Variants in C1QTNF5 observed in about 807,000 individuals in gnomAD.
The protein encoded by C1QTNF5 is C1q and TNF related 5.
In C1QTNF5, 5 loss-of-function variants were observed where a neutral mutation model predicts 10.9. That is an observed-to-expected ratio of 0.46 (90% CI 0.24 to 0.97). C1QTNF5 has a LOEUF of 0.97. Among genes scored for constraint, C1QTNF5 ranks in the 50% least tolerant of loss-of-function variants. The probability of loss-of-function intolerance (pLI) is 0.19; values close to 1 mark genes in which losing one functional copy is unlikely to be tolerated. For missense variants in C1QTNF5, 281 were observed against 339.4 expected (o/e 0.83, Z 1.35); for synonymous variants, 161 against 156.5 (o/e 1.03, Z -0.22).
At position 119,339,343 on chromosome 11, in the gene C1QTNF5, T is replaced by TG; in HGVS notation, c.719dup (p.Val241SerfsTer10). On this transcript the variant is annotated frameshift_variant, in exon 3 of 3. Coordinates refer to ENST00000528368, the MANE Select transcript of C1QTNF5 (RefSeq NM_001278431.2). LOFTEE classifies it high-confidence loss of function. The surrounding 1 kb of genome is among the most constrained non-coding windows in gnomAD (Gnocchi z 5.4). ...TTTGCAGTGGGCACTAAGCAAAGAC[T>TG]GGGGAGCTGTGCCAGTCGGAGTACA... is the stretch of plus-strand genomic sequence containing the variant. The TG allele has an allele frequency of 6.2e-7, 1 of 1,612,802 alleles. No homozygotes were observed. The highest frequency in any genetic ancestry group is 8.5e-7 in the Non-Finnish European group (1 of 1,179,234).
rs907804992 is a variant in C1QTNF5, at chr11:119,340,224, C to A, written c.174G>T (p.Ala58=). The part of the protein sequence containing the change: ...GRDGRDGRDG[A]PGAPGEKGEG... ...CGCCTTTCTCTCCCGGAGCCCCGGG[C>A]GCGCCGTCGCGGCCGTCGCGGCCAT... Residue 58 remains alanine (A), a synonymous_variant, in exon 2 of 3, where the codon GCG becomes GCT. Transcript: ENST00000528368. 4.6e-6 allele frequency: 7 copies of A among 1,513,436 alleles called. No homozygotes were observed. Among genetic ancestry groups the A allele is most frequent in the Non-Finnish European group, 6.2e-6 (7 of 1,133,744 alleles). 93.8% of individuals were successfully genotyped at this position (1,513,436 alleles called of 1,614,324 possible).
In C1QTNF5 at chr11:119,340,326, G is replaced by A. The variant is rs1158222576; in HGVS notation, c.72C>T (p.Ile24=). The A allele has an allele frequency of 1.3e-6, 2 of 1,542,950 alleles. No homozygotes were observed. Among genetic ancestry groups the A allele is most frequent in the African/African-American group, 2.8e-5 (2 of 71,998 alleles). Residue 24 remains isoleucine (I), a synonymous_variant, in exon 2 of 3, where the codon ATC becomes ATT. Transcript: ENST00000528368. ...CGGGGTGCCCCGGGCAGAGGCTGGG[G>A]ATCTTGTTGTCGTCCAGTGGGGGCG... ...AGSPPLDDNK[I]PSLCPGHPGL...
upstream of C1QTNF5, chr11:119,345,276 A>G (rs1950549860): frequency 7.9e-6 from 7 of 882,644 alleles, no homozygotes; most frequent in Middle Eastern, 1.7e-3. Flanking sequence ...CACGGCACAC[A>G]GCAAGGTGGT....
chr11:119,339,717 G>A lies in C1QTNF5; in HGVS notation c.346C>T (p.Pro116Ser), dbSNP rs1950478391. The change falls in exon 3 of 3, where the codon CCT becomes TCT. Residue 116 changes from proline (P) to serine (S), a missense_variant. Physicochemically the swap from Pro to Ser is moderately conservative, Grantham distance 74. Coordinates refer to ENST00000528368, the MANE Select transcript of C1QTNF5 (RefSeq NM_001278431.2). This position sits in a 1 kb window ranked among gnomAD's most constrained non-coding sequence, Gnocchi z 5.4. ...FSAKRSESRV[P>S]PPSDAPLPFD... Reference sequence around the variant, plus strand: ...GGCAAGGGTGCGTCAGACGGCGGAGGCACCCGGCTCTCGGAGCGCTTGGCG... The same window carrying A: ...GGCAAGGGTGCGTCAGACGGCGGAGACACCCGGCTCTCGGAGCGCTTGGCG... 4 of 1,602,726 alleles carry A rather than the reference G, an allele frequency of 2.5e-6. No homozygotes were observed. The highest frequency in any genetic ancestry group is 1.3e-5 in the African/African-American group (1 of 74,914).
At chr11:119,340,034 C>T (rs866424760) in intron 2 of C1QTNF5, 150 bp downstream of exon 2, 49 of 1,247,176 alleles carry the variant, frequency 3.9e-5, no homozygotes, top group Non-Finnish European at 4.5e-5. Context: ...AGGGGGCTCC[C>T]GCCGCCTGGG....
At chr11:119,346,202 G>A in the C1QTNF5 span, 2 of 1,567,200 alleles carry the variant, frequency 1.3e-6, no homozygotes, top group Non-Finnish European at 1.7e-6. Flanking sequence ...CTTCTGTTGG[G>A]TATTCCTCAT....
Position 119,339,975 on chromosome 11 carries a change from G to C in C1QTNF5, c.215-127C>G. On this transcript the variant is annotated intron_variant, in intron 2 of 2. Coordinates refer to ENST00000528368, the MANE Select transcript of C1QTNF5 (RefSeq NM_001278431.2). The surrounding 1 kb of genome is among the most constrained non-coding windows in gnomAD (Gnocchi z 5.4). ...CTTCGGCCAGCGCCTCCTCCCGCAC[G>C]GGTACCTCCTCCACCCCTTCCCGCA... The C allele has an allele frequency of 2.3e-6, 3 of 1,328,166 alleles. No individual in the cohort carries two copies. The highest frequency in any genetic ancestry group is 3.0e-6 in the Non-Finnish European group (3 of 1,014,922). 82.3% of individuals were successfully genotyped at this position (1,328,166 alleles called of 1,614,324 possible). A position where few individuals can be genotyped will look rare whatever the true frequency, so the allele number is the denominator to read the frequency against.
chr11:119,340,494 CTCCCCACCCCGGCGCGGCCCAGTCGG>C (rs1950491796), intron 1 of C1QTNF5, 54 bp from the exon 2 acceptor site: 1 of 1,329,502 alleles, frequency 7.5e-7, no homozygotes, highest in South Asian at 1.3e-5. Flanking sequence ...ACCTGCCTCT[CTCCCCACCCCGGCGCGGCCCAGTCGG>C]TCCCCACCCC....
upstream of C1QTNF5, chr11:119,342,552 T>C (rs1950512631): frequency 5.0e-6 from 8 of 1,609,264 alleles, no homozygotes; most frequent in Non-Finnish European, 4.2e-6. Flanking sequence ...TTCTGTGAGG[T>C]GGGCACCCAG....
At chr11:119,346,675 GT>G in the C1QTNF5 span, 25 of 732,092 alleles carry the variant, frequency 3.4e-5, no homozygotes, top group East Asian at 6.4e-4. Context: ...TGGTAGAGTG[GT>G]TTGGCCTATG....
chr11:119,346,268 T>G, the C1QTNF5 span: 1 of 1,610,940 alleles, frequency 6.2e-7, no homozygotes, highest in Non-Finnish European at 8.5e-7. Flanking sequence ...CCTGGGATGG[T>G]TACCATGCCA....
chr11:119,346,107 G>T, the C1QTNF5 span: 1 of 1,607,906 alleles, frequency 6.2e-7, no homozygotes, highest in Non-Finnish European at 8.5e-7. Flanking sequence ...AGAGCAGGAG[G>T]ACACAGAGCC....
upstream of C1QTNF5, chr11:119,344,382 C>A (rs779127831): frequency 3.4e-5 from 55 of 1,613,600 alleles, no homozygotes; most frequent in Non-Finnish European, 1.7e-6. Flanking sequence ...AGTCAGATTC[C>A]CCCCACACCC....
upstream of C1QTNF5, chr11:119,344,340 T>G (rs151160924): frequency 6.2e-7 from 1 of 1,613,748 alleles, no homozygotes; most frequent in African/African-American, 1.3e-5. Context: ...CTGCTGCAGG[T>G]AGCTGGGAGT....
At chr11:119,346,571 G>T in the C1QTNF5 span, 7 of 1,571,250 alleles carry the variant, frequency 4.5e-6, no homozygotes, top group Non-Finnish European at 6.1e-6. Context: ...ACCCCCAAGG[G>T]CCCACTCGCT....
chr11:119,343,347 CA>C (rs34146645), upstream of C1QTNF5, among the ~76,000 whole-genome samples: 3 of 152,024 alleles, frequency 2.0e-5, no homozygotes, highest in African/African-American at 4.8e-5. Context: ...CTTGTCTTTA[CA>C]AAAAAATTAA....
At chr11:119,344,369 G>T (rs767165696), upstream of C1QTNF5, 1 of 1,613,948 alleles carries the variant, frequency 6.2e-7, no homozygotes, top group East Asian at 2.2e-5. Flanking sequence ...TGCCCTGGAG[G>T]CCAGTCAGAT....
upstream of C1QTNF5, chr11:119,345,300 C>T (rs1950550451): frequency 9.5e-7 from 1 of 1,047,590 alleles, no homozygotes; most frequent in South Asian, 1.4e-5. Flanking sequence ...AGAGCTGGGC[C>T]CAGAGGTCTA....
upstream of C1QTNF5, chr11:119,343,712 A>T: frequency 6.9e-7 from 1 of 1,453,206 alleles, no homozygotes; most frequent in Non-Finnish European, 9.6e-7. Flanking sequence ...GGAGTAGCAG[A>T]AGAAAATGAA....
Sources: allele counts gnomAD v4.1 joint callset (sites outside exome capture counted in the v4.1 genomes callset), GRCh38; gene constraint gnomAD v4.1.1; non-coding constraint Gnocchi (gnomAD v3.1); transcripts MANE v1.5; gene names NCBI Gene and HGNC (gene_info 2026-07-23, HGNC 2026-07-21).